The following INPP4A variants were observed in gnomAD, a reference collection of about 807,000 sequenced individuals.
INPP4A encodes inositol polyphosphate-4-phosphatase type I A, also known as inositol polyphosphate-4-phosphatase, type I, 107kD.
Under a neutral mutation model 119.8 loss-of-function variants are expected in INPP4A, and 33 were observed. The observed-to-expected ratio is 0.28, with a 90% CI of 0.21 to 0.37. The LOEUF is 0.37. INPP4A is among the 10% of genes least tolerant of loss of function. The probability of loss-of-function intolerance (pLI) is 1.00; values close to 1 mark genes in which losing one functional copy is unlikely to be tolerated. For missense variants in INPP4A, 956 were observed against 1,289.9 expected (o/e 0.74, Z 3.97); for synonymous variants, 496 against 500.7 (o/e 0.99, Z 0.12).
At chr2:98,568,489 A>G in intron 21 of INPP4A, 82 bp from the exon 22 acceptor site, 1 of 690,510 alleles carries the variant, frequency 1.4e-6, no homozygotes, top group African/African-American at 1.8e-5. Context: ...GAGAATCAGC[A>G]TAGTTAGCTT....
intron 16 of INPP4A, among the ~76,000 whole-genome samples, chr2:98,558,329 T>A (rs190630847): frequency 1.3e-5 from 2 of 152,322 alleles, no homozygotes; most frequent in Admixed American, 1.3e-4. Context: ...CAAAAATCTG[T>A]ATTTTTTCAA....
Position 98,543,960 on chromosome 2 carries a change from T to C in INPP4A, c.902T>C (p.Ile301Thr), listed in dbSNP as rs1325697512. ...RRQIVTQYQT[I>T]ILTYQENLTD... ...CAAATTGTCACCCAGTACCAGACCA[T>C]CATCCTCACATACCAGGAGAACCTG... Residue 301 changes from isoleucine to threonine, a missense_variant, in exon 11 of 25, where the codon ATC becomes ACC. Ile to Thr is a moderately conservative substitution (Grantham distance 89). Around this residue, in one of 2 missense-constraint regions of INPP4A, gnomAD observed 652 missense variants for 797.9 expected, o/e 0.82. Coordinates refer to ENST00000409851, the MANE Select transcript of INPP4A (RefSeq NM_001134225.2). 1 of 1,592,472 alleles carries C rather than the reference T, an allele frequency of 6.3e-7. No homozygotes were observed. Among genetic ancestry groups the C allele is most frequent in the Non-Finnish European group, 8.6e-7 (1 of 1,168,896 alleles).
At chr2:98,472,661 AG>A (rs1260923350) in intron 1 of INPP4A, among the ~76,000 whole-genome samples, 1 of 152,186 alleles carries the variant, frequency 6.6e-6, no homozygotes, top group Non-Finnish European at 1.5e-5. Context: ...GGGCTCACTG[AG>A]GGTCTGTGGT....
At chr2:98,559,557 T>C (rs1695096214) in intron 17 of INPP4A, 62 bp downstream of exon 17, 3 of 1,527,034 alleles carry the variant, frequency 2.0e-6, no homozygotes, top group Non-Finnish European at 2.7e-6. Flanking sequence ...AGGTAGTGTT[T>C]TGTAGCTAAA....
Position 98,544,083 on chromosome 2 carries a change from A to G in INPP4A, c.949+76A>G, listed in dbSNP as rs1692037827. 1.2e-5 allele frequency: 16 copies of G among 1,347,218 alleles called. No homozygotes were observed. The South Asian group carries it at 2.4e-4, about 20-fold the overall frequency. 83.5% of individuals were successfully genotyped at this position (1,347,218 alleles called of 1,614,324 possible). On this transcript the variant is annotated intron_variant, in intron 11 of 24. Transcript: ENST00000409851. ...CACACACTCTCACTCTCACTCAGTCACTCCCTCTGCTTTCCCAGCCAGGGA... is the reference window on the plus strand; with the variant it reads ...CACACACTCTCACTCTCACTCAGTCGCTCCCTCTGCTTTCCCAGCCAGGGA...
At chr2:98,494,623 C>T (rs1271971896) in intron 1 of INPP4A, among the ~76,000 whole-genome samples, 1 of 140,830 alleles carries the variant, frequency 7.1e-6, no homozygotes, top group South Asian at 2.2e-4. Flanking sequence ...TAAGGGTGTT[C>T]TAAAAAAAAA....
At position 98,589,589 on chromosome 2, in the gene INPP4A, C is replaced by A. The variant is rs373812474; in HGVS notation, c.*1981C>A. 5.6e-5 allele frequency: 10 copies of A among 179,178 alleles called. No homozygotes were observed. Among genetic ancestry groups the A allele is most frequent in the African/African-American group, 2.4e-4 (10 of 42,414 alleles). 11.1% of individuals were successfully genotyped at this position (179,178 alleles called of 1,614,324 possible). A position where few individuals can be genotyped will look rare whatever the true frequency, so the allele number is the denominator to read the frequency against. On this transcript the variant is annotated 3_prime_UTR_variant, in exon 25 of 25. Transcript: ENST00000409851. ...AATTTTTGCTCTATGTAATGGGTCA[C>A]CATAAAACTGTAAGACTTGGCAAAT...
In INPP4A at chr2:98,587,625, A is replaced by ACT; in HGVS notation, c.*17_*18insCT. ...GAAACGTGAACACACGGTTTCCTCT[A>ACT]ATTAGCTGTTACATAATAAATGTGG... is the stretch of plus-strand genomic sequence containing the variant. On this transcript the variant is annotated 3_prime_UTR_variant, in exon 25 of 25. Transcript: ENST00000409851. The ACT allele has an allele frequency of 6.3e-7, 1 of 1,585,096 alleles. No individual in the cohort carries two copies. Among genetic ancestry groups the ACT allele is most frequent in the Non-Finnish European group, 8.6e-7 (1 of 1,169,138 alleles).
rs201126376 is a variant in INPP4A at position 98,501,528 on chromosome 2, A to AC, written c.-165-17429dup. Among the ~76,000 whole-genome samples the AC allele has an allele frequency of 3.3e-5, 5 of 151,416 alleles. No homozygotes were observed. The South Asian group carries it at 8.4e-4, about 25-fold the overall frequency. On this transcript the variant is annotated intron_variant, in intron 1 of 24. Transcript: ENST00000409851. ...TGTACACAGAATGTTGAGGTCAAGA[A>AC]CCCCCCCAGCCCCCCATTCTCTGAA...
At chr2:98,512,286 G>A (rs773354235) in intron 1 of INPP4A, among the ~76,000 whole-genome samples, 3 of 152,220 alleles carry the variant, frequency 2.0e-5, no homozygotes, top group Non-Finnish European at 4.4e-5. Flanking sequence ...CACCTATGGG[G>A]GAGGAGGGAT....
intron 1 of INPP4A, among the ~76,000 whole-genome samples, chr2:98,514,523 C>G (rs910565739): frequency 5.3e-5 from 8 of 152,156 alleles, no homozygotes; most frequent in Non-Finnish European, 1.0e-4. Context: ...AGTCTTCCAC[C>G]CTCCCACCTC....
intron 1 of INPP4A, among the ~76,000 whole-genome samples, chr2:98,495,425 A>G (rs1006955215): frequency 2.0e-5 from 3 of 152,238 alleles, no homozygotes; most frequent in African/African-American, 7.2e-5. Context: ...CAGTGTTGTC[A>G]GTGAAGAGTC....
intron 1 of INPP4A, among the ~76,000 whole-genome samples, chr2:98,482,564 T>C (rs1362912388): frequency 6.6e-6 from 1 of 152,260 alleles, no homozygotes; most frequent in African/African-American, 2.4e-5. Context: ...CTCTGTGCAA[T>C]GGCCCCTCCA....
chr2:98,570,248 C>T lies in INPP4A; in HGVS notation c.2518+1580C>T, dbSNP rs1697210726. ...GCAGATGTGGAGCCACAGAGCAGAG[C>T]CCTTTGGTGGTTGAGGCCACTGAGT... On this transcript the variant is annotated intron_variant, in intron 22 of 24. Transcript: ENST00000409851. The surrounding 1 kb of genome is among the most constrained non-coding windows in gnomAD (Gnocchi z 4.3). Among the ~76,000 whole-genome samples the T allele has an allele frequency of 6.6e-6, 1 of 152,152 alleles. No homozygotes were observed. Among genetic ancestry groups the T allele is most frequent in the South Asian group, 2.1e-4 (1 of 4,826 alleles).
Position 98,587,797 on chromosome 2 carries a change from AT to A in INPP4A, c.*190del. On this transcript the variant is annotated 3_prime_UTR_variant, in exon 25 of 25. Coordinates refer to ENST00000409851, the MANE Select transcript of INPP4A (RefSeq NM_001134225.2). ...TGGGTTTTTTTCCCCATTGGAATCA[AT>A]AGGAGGTAATGTTTGGCTCAATAGT... 1 of 504,706 alleles carries A rather than the reference AT, an allele frequency of 2.0e-6. No individual in the cohort carries two copies. Among genetic ancestry groups the A allele is most frequent in the Non-Finnish European group, 3.4e-6 (1 of 292,382 alleles). The allele number at this position is 504,706 out of a possible 1,614,324, so 31.3% of individuals were successfully genotyped here.
rs947412581 is a variant in INPP4A, at chr2:98,498,364, A to G, written c.-165-20600A>G. ...CATTCTCTCTTGCTTTCTGCGATGTAAGATGTGCCTTTTGCCTTCTGCTAT... is the reference window on the plus strand; with the variant it reads ...CATTCTCTCTTGCTTTCTGCGATGTGAGATGTGCCTTTTGCCTTCTGCTAT... On this transcript the variant is annotated intron_variant, in intron 1 of 24. Coordinates refer to ENST00000409851, the MANE Select transcript of INPP4A (RefSeq NM_001134225.2). Among the ~76,000 whole-genome samples, 4 of 152,040 alleles carry G rather than the reference A, an allele frequency of 2.6e-5. No homozygotes were observed. The South Asian group carries it at 6.2e-4, about 24-fold the overall frequency.
chr2:98,549,229 G>A (rs1008047020), intron 13 of INPP4A, among the ~76,000 whole-genome samples: 2 of 152,126 alleles, frequency 1.3e-5, no homozygotes, highest in African/African-American at 4.8e-5. Flanking sequence ...ACCTAGTTCT[G>A]TTTCTCCCAG....
chr2:98,448,040 C>CT (rs1159341511), intron 1 of INPP4A, among the ~76,000 whole-genome samples: 2 of 104,934 alleles, frequency 1.9e-5, no homozygotes, highest in Non-Finnish European at 3.6e-5. Context: ...GAGTGAGACT[C>CT]TGTCTCAAAA....
intron 4 of INPP4A, among the ~76,000 whole-genome samples, chr2:98,525,214 T>G (rs1687963707): frequency 6.6e-6 from 1 of 152,248 alleles, no homozygotes; most frequent in South Asian, 2.1e-4. Flanking sequence ...ATTCCTCTTG[T>G]GGACTTACAG....
Sources: gnomAD v4.1 joint callset for allele counts (sites outside exome capture counted in the v4.1 genomes callset) on GRCh38, gnomAD v4.1.1 for gene constraint, gnomAD v4.1.1 regional missense constraint, Gnocchi (gnomAD v3.1) non-coding constraint, MANE v1.5 for transcripts, NCBI Gene and HGNC (gene_info 2026-07-23, HGNC 2026-07-21) for gene names.